NUP155: variants seen among roughly 807,000 people sequenced by gnomAD.
The protein encoded by NUP155 is nucleoporin 155.
In NUP155, 71 loss-of-function variants were observed where a neutral mutation model predicts 180.4. The ratio of observed to expected loss-of-function variants is 0.39; its 90% CI spans 0.33 to 0.48. The LOEUF is 0.48. NUP155 is among the 20% of genes least tolerant of loss of function. The probability of loss-of-function intolerance (pLI) is 0.91; values close to 1 mark genes in which losing one functional copy is unlikely to be tolerated. For missense variants in NUP155, 1,553 were observed against 1,648.9 expected, an observed-to-expected ratio of 0.94 and a Z score of 1.01; for synonymous variants, 582 against 559.5, an observed-to-expected ratio of 1.04 and a Z score of -0.57.
chr5:37,355,337 C>T (rs1746744732), intron 4 of NUP155, among the ~76,000 whole-genome samples: 1 of 151,462 alleles, frequency 6.6e-6, no homozygotes, highest in Admixed American at 6.6e-5. Context: ...GGCCAAACCA[C>T]ATGCTACTAA....
At chr5:37,314,477 A>G in intron 21 of NUP155, 149 bp from the exon 22 acceptor site, 1 of 640,606 alleles carries the variant, frequency 1.6e-6, no homozygotes, top group South Asian at 2.0e-5. Flanking sequence ...TATTTATGTT[A>G]TTATCTTCTC....
chr5:37,293,251 C>T, intron 33 of NUP155: 1 of 328,532 alleles, frequency 3.0e-6, no homozygotes, highest in Non-Finnish European at 5.6e-6. Flanking sequence ...AAATGTCCCG[C>T]TTAGGAATCT....
At chr5:37,370,680 C>A in intron 1 of NUP155, 141 bp downstream of exon 1, 1 of 1,605,982 alleles carries the variant, frequency 6.2e-7, no homozygotes, top group Non-Finnish European at 8.5e-7. Flanking sequence ...AAAGAAGCTG[C>A]TTGCTGTTCT....
intron 4 of NUP155, among the ~76,000 whole-genome samples, chr5:37,354,959 G>A (rs1746716554): frequency 2.6e-5 from 4 of 151,840 alleles, no homozygotes; most frequent in Admixed American, 2.6e-4. Flanking sequence ...GGGCCTGCTG[G>A]CGGGCGCCTG....
intron 7 of NUP155, 89 bp downstream of exon 7, chr5:37,350,071 A>AT (rs754025176): frequency 4.5e-5 from 42 of 923,718 alleles, no homozygotes; most frequent in Non-Finnish European, 7.2e-5. Flanking sequence ...AATTGTTTCA[A>AT]TTAAGAATGA....
chr5:37,352,703 A>C lies in NUP155; in HGVS notation c.556+34T>G. Reference sequence around the variant, plus strand: ...AATATCAATTGGCCAAAATACTATTATTTTAAAAAACGTTAACATGTGGGT... The same window carrying C: ...AATATCAATTGGCCAAAATACTATTCTTTTAAAAAACGTTAACATGTGGGT... On this transcript the variant is annotated intron_variant, in intron 5 of 34. Coordinates refer to ENST00000231498, the MANE Select transcript of NUP155 (RefSeq NM_153485.3). 8 of 1,429,066 alleles carry C rather than the reference A, an allele frequency of 5.6e-6. 1 individual carries two copies. Among genetic ancestry groups the C allele is most frequent in the Non-Finnish European group, 7.9e-6 (8 of 1,012,406 alleles). 88.5% of individuals were successfully genotyped at this position (1,429,066 alleles called of 1,614,324 possible).
chr5:37,367,574 C>A (rs1196328047), intron 1 of NUP155, among the ~76,000 whole-genome samples: 1 of 151,530 alleles, frequency 6.6e-6, no homozygotes, highest in African/African-American at 2.4e-5. Context: ...ACTCTGTCGC[C>A]CAGGCTGGAA....
chr5:37,298,860 C>T lies in NUP155; in HGVS notation c.3793+8G>A. 2.7e-6 allele frequency: 4 copies of T among 1,501,666 alleles called. No homozygotes were observed. Among genetic ancestry groups the T allele is most frequent in the Non-Finnish European group, 3.7e-6 (4 of 1,077,904 alleles). The allele number at this position is 1,501,666 out of a possible 1,614,324, so 93.0% of individuals were successfully genotyped here. A position where few individuals can be genotyped will look rare whatever the true frequency, so the allele number is the denominator to read the frequency against. ...AAATACGTGACTGCACCTAAGATCA[C>T]AGCTTACCTAAAGGAAAGAAGCGTG... is the stretch of plus-strand genomic sequence containing the variant. On this transcript the variant is annotated splice_region_variant and intron_variant, in intron 32 of 34. Transcript: ENST00000231498.
chr5:37,295,030 A>T (rs1742447755), intron 32 of NUP155, among the ~76,000 whole-genome samples: 1 of 152,168 alleles, frequency 6.6e-6, no homozygotes, highest in Non-Finnish European at 1.5e-5. Context: ...ATTTAAAAAA[A>T]ATAGGTTTCC....
At chr5:37,351,444 A>T in intron 5 of NUP155, 88 bp from the exon 6 acceptor site, 18 of 983,762 alleles carry the variant, frequency 1.8e-5, no homozygotes, top group Admixed American at 1.6e-4. Context: ...CTATATGTTT[A>T]CTCAATTCTT....
At chr5:37,370,648 G>T in intron 1 of NUP155, 173 bp downstream of exon 1, 1 of 1,568,174 alleles carries the variant, frequency 6.4e-7, no homozygotes, top group Non-Finnish European at 8.6e-7. Context: ...AATGAAGAAA[G>T]TGAGGAAAGG....
At chr5:37,316,296 G>C (rs1170265592) in intron 21 of NUP155, among the ~76,000 whole-genome samples, 1 of 152,174 alleles carries the variant, frequency 6.6e-6, no homozygotes, top group Non-Finnish European at 1.5e-5. Flanking sequence ...CTCGAGGACA[G>C]TATGCTAAGT....
intron 3 of NUP155, among the ~76,000 whole-genome samples, chr5:37,360,618 T>C (rs1270837976): frequency 6.6e-6 from 1 of 150,744 alleles, no homozygotes; most frequent in African/African-American, 2.4e-5. Context: ...AAACTCCGTC[T>C]CCACTAAAAA....
At chr5:37,321,877 CAG>C (rs1168376245) in intron 20 of NUP155, among the ~76,000 whole-genome samples, 2 of 151,906 alleles carry the variant, frequency 1.3e-5, no homozygotes, top group African/African-American at 4.8e-5. Context: ...TTTTTTGAGA[CAG>C]AGTTTCACTC....
intron 23 of NUP155, chr5:37,309,694 C>A (rs1743405735): frequency 1.7e-5 from 3 of 172,624 alleles, no homozygotes; most frequent in Admixed American, 1.7e-4. Flanking sequence ...TCCTTAATTT[C>A]TAAATTTAGT....
intron 9 of NUP155, among the ~76,000 whole-genome samples, chr5:37,346,928 G>A (rs186538264): frequency 8.2e-4 from 125 of 151,940 alleles, no homozygotes; most frequent in Non-Finnish European, 1.4e-3. Flanking sequence ...ACACATGTCT[G>A]TTAAAAGAGT....
At chr5:37,311,913 C>T (rs1743553667) in intron 22 of NUP155, among the ~76,000 whole-genome samples, 1 of 151,954 alleles carries the variant, frequency 6.6e-6, no homozygotes. Context: ...CCCAGCTACT[C>T]GGGAAGCTGA....
intron 21 of NUP155, among the ~76,000 whole-genome samples, chr5:37,316,855 C>A (rs1445317556): frequency 6.6e-6 from 1 of 151,662 alleles, no homozygotes; most frequent in East Asian, 2.0e-4. Context: ...TGCCACTGAA[C>A]TGTACACTTA....
intron 11 of NUP155, among the ~76,000 whole-genome samples, chr5:37,339,181 C>A (rs1745548874): frequency 1.3e-5 from 2 of 148,972 alleles, no homozygotes; most frequent in African/African-American, 2.5e-5. Context: ...CCAGCCTGGG[C>A]AATAAAGTAA....
Sources: allele counts gnomAD v4.1 joint callset (sites outside exome capture counted in the v4.1 genomes callset), GRCh38; gene constraint gnomAD v4.1.1; transcripts MANE v1.5; gene names NCBI Gene and HGNC (gene_info 2026-07-23, HGNC 2026-07-21).